Variants in CAMK1G observed in about 807,000 individuals in gnomAD.
CAMK1G encodes the protein calcium/calmodulin-dependent protein kinase type 1G.
A neutral mutation model predicts 54.8 loss-of-function variants in CAMK1G; 27 were observed. That is an observed-to-expected ratio of 0.49 (90% CI 0.36 to 0.68). The LOEUF (loss-of-function observed/expected upper bound fraction) is 0.68. CAMK1G is among the 30% of genes least tolerant of loss of function. CAMK1G has a pLI of 0.00. For synonymous variants in CAMK1G, 238 were observed against 224.9 expected (o/e 1.06, Z -0.52); for missense variants, 512 against 591.0 (o/e 0.87, Z 1.39).
At position 209,594,989 on chromosome 1, in the gene CAMK1G, T is replaced by A; in HGVS notation, c.6T>A (p.Gly2=). The A allele has an allele frequency of 6.2e-7, 1 of 1,613,330 alleles. No homozygotes were observed. The highest frequency in any genetic ancestry group is 1.1e-5 in the South Asian group (1 of 90,998). Residue 2 remains glycine, a synonymous_variant, in exon 2 of 13, where the codon GGT becomes GGA. Coordinates refer to ENST00000361322, the MANE Select transcript of CAMK1G (RefSeq NM_020439.3). M[G]RKEEDDCSSW... ...AAGCTTCAACTCTGGAGGCAATGGG[T>A]CGAAAGGAAGAAGATGACTGCAGTT...
intron 1 of CAMK1G, among the ~76,000 whole-genome samples, chr1:209,594,132 C>G (rs897239831): frequency 6.6e-6 from 1 of 152,198 alleles, no homozygotes; most frequent in Non-Finnish European, 1.5e-5. Context: ...GCTCAAGAGG[C>G]CTTCCCTGGA....
At chr1:209,608,303 T>C (rs1665700956) in intron 7 of CAMK1G, among the ~76,000 whole-genome samples, 1 of 152,186 alleles carries the variant, frequency 6.6e-6, no homozygotes, top group South Asian at 2.1e-4. Flanking sequence ...GGAAGCCAGG[T>C]GGACCCTCTG....
rs1665778450 is a variant in CAMK1G at position 209,611,450 on chromosome 1, C to T, written c.828-15C>T. ...TAGCCACCCAGTAGCCAGGTGTCCC[C>T]TCTTACATCCACAGGATTGACGGAA... On this transcript the variant is annotated splice_polypyrimidine_tract_variant and intron_variant, in intron 9 of 12. Transcript: ENST00000361322. 6.2e-7 allele frequency: 1 copy of T among 1,613,780 alleles called. No individual in the cohort carries two copies.
At chr1:209,595,810 G>T (rs1003135347) in intron 2 of CAMK1G, among the ~76,000 whole-genome samples, 2 of 152,144 alleles carry the variant, frequency 1.3e-5, no homozygotes, top group Non-Finnish European at 2.9e-5. Flanking sequence ...CAGCCTGCAG[G>T]GTGTCTGAAC....
At chr1:209,610,657 T>C (rs17014889) in intron 9 of CAMK1G, among the ~76,000 whole-genome samples, 4,849 of 152,284 alleles carry the variant, frequency 0.032, 295 homozygotes, top group East Asian at 0.27. Flanking sequence ...AGGATCCAGA[T>C]CAGTCTCTGC....
In CAMK1G at chr1:209,604,445, T is replaced by C. The variant is rs142287105; in HGVS notation, c.297-1091T>C. ...CAGGCCCCTCAGGGTTAAGAATTCA[T>C]AGCTCTGTACAAAGAGTGTATTTCC... On this transcript the variant is annotated intron_variant, in intron 4 of 12. Coordinates refer to ENST00000361322, the MANE Select transcript of CAMK1G (RefSeq NM_020439.3). Among the ~76,000 whole-genome samples the C allele has an allele frequency of 1.1e-3, 163 of 152,304 alleles. 1 individual carries two copies. The highest frequency in any genetic ancestry group is 3.4e-3 in the African/African-American group (142 of 41,578).
In CAMK1G at chr1:209,596,392, A is replaced by G. The variant is rs146885544; in HGVS notation, c.92+1317A>G. On this transcript the variant is annotated intron_variant, in intron 2 of 12. Transcript: ENST00000361322. Reference sequence around the variant, plus strand: ...GAGAAGGGAGCCCAGGTTGACAAGAATTTACCATCTGCTAGACTTGTGCTG... The same window carrying G: ...GAGAAGGGAGCCCAGGTTGACAAGAGTTTACCATCTGCTAGACTTGTGCTG... Among the ~76,000 whole-genome samples, 32 of 152,222 alleles carry G rather than the reference A, an allele frequency of 2.1e-4. No individual in the cohort carries two copies. The East Asian group carries it at 5.4e-3, about 26-fold the overall frequency.
At chr1:209,603,885 A>T (rs1665585131) in intron 4 of CAMK1G, among the ~76,000 whole-genome samples, 1 of 152,236 alleles carries the variant, frequency 6.6e-6, no homozygotes, top group Non-Finnish European at 1.5e-5. Flanking sequence ...TCTGTAGGAC[A>T]GAAGTGGTGC....
chr1:209,608,045 A>G (rs1665694022), intron 7 of CAMK1G, 112 bp downstream of exon 7: 5 of 756,314 alleles, frequency 6.6e-6, no homozygotes, highest in Non-Finnish European at 2.3e-6. Flanking sequence ...ATGTGCACAA[A>G]CAGACACAGG....
chr1:209,611,433 C>A (rs1470217949), intron 9 of CAMK1G, 32 bp from the exon 10 acceptor site: 2 of 1,608,174 alleles, frequency 1.2e-6, no homozygotes, highest in Admixed American at 1.7e-5. Flanking sequence ...AATAGCCACC[C>A]AGTAGCCAGG....
chr1:209,602,379 TA>T (rs1204077934), intron 3 of CAMK1G, among the ~76,000 whole-genome samples: 2 of 152,194 alleles, frequency 1.3e-5, no homozygotes, highest in Admixed American at 1.3e-4. Flanking sequence ...GAACTAACCC[TA>T]AAAATAAGCA....
chr1:209,607,013 G>C (rs1348962386), intron 6 of CAMK1G, among the ~76,000 whole-genome samples: 2 of 152,162 alleles, frequency 1.3e-5, no homozygotes, highest in African/African-American at 4.8e-5. Context: ...GAGCAGGCAG[G>C]GCACCTGGAA....
At chr1:209,592,363 A>T (rs969465858) in intron 1 of CAMK1G, among the ~76,000 whole-genome samples, 7 of 149,388 alleles carry the variant, frequency 4.7e-5, no homozygotes, top group African/African-American at 1.7e-4. Context: ...AAAAAAAAAA[A>T]ACTCCAGTAC....
At chr1:209,596,440 C>A (rs1457106973) in intron 2 of CAMK1G, among the ~76,000 whole-genome samples, 16 of 152,290 alleles carry the variant, frequency 1.1e-4, no homozygotes. Flanking sequence ...GACAGACACA[C>A]CTTCCCTCTT....
intron 2 of CAMK1G, among the ~76,000 whole-genome samples, chr1:209,599,763 G>A (rs935931080): frequency 6.6e-6 from 1 of 152,286 alleles, no homozygotes; most frequent in South Asian, 2.1e-4. Context: ...TCTCTCCCTA[G>A]CTTTTTTATG....
At position 209,613,359 on chromosome 1, in the gene CAMK1G, G is replaced by A. The variant is rs986273447; in HGVS notation, c.*357G>A. On this transcript the variant is annotated 3_prime_UTR_variant, in exon 13 of 13. Transcript: ENST00000361322. ...CTCGCCTGGGTCTGTGCTGTTTGTCGTGAAAAGCTTAATGGGCTGGCCAGG... is the reference window on the plus strand; with the variant it reads ...CTCGCCTGGGTCTGTGCTGTTTGTCATGAAAAGCTTAATGGGCTGGCCAGG... The A allele has an allele frequency of 3.2e-5, 5 of 157,278 alleles. No homozygotes were observed. Among genetic ancestry groups the A allele is most frequent in the Non-Finnish European group, 7.1e-5 (5 of 70,834 alleles). The allele number at this position is 157,278 out of a possible 1,614,324, so 9.7% of individuals were successfully genotyped here.
intron 1 of CAMK1G, among the ~76,000 whole-genome samples, chr1:209,585,789 C>G (rs542629385): frequency 6.6e-6 from 1 of 152,352 alleles, no homozygotes; most frequent in African/African-American, 2.4e-5. Flanking sequence ...CACACGAGTG[C>G]GCGCGAGTGG....
At chr1:209,594,005 T>C (rs567200221) in intron 1 of CAMK1G, among the ~76,000 whole-genome samples, 5 of 152,272 alleles carry the variant, frequency 3.3e-5, no homozygotes, top group African/African-American at 1.2e-4. Flanking sequence ...GAGCACACTA[T>C]GCTATTTCCT....
chr1:209,591,932 C>T (rs1665263873), intron 1 of CAMK1G, among the ~76,000 whole-genome samples: 1 of 152,182 alleles, frequency 6.6e-6, no homozygotes, highest in Non-Finnish European at 1.5e-5. Context: ...GCTCTACATC[C>T]CCTCATAGGG....
Sources: allele counts gnomAD v4.1 joint callset (sites outside exome capture counted in the v4.1 genomes callset), GRCh38; gene constraint gnomAD v4.1.1; transcripts MANE v1.5; gene names NCBI Gene and HGNC (gene_info 2026-07-23, HGNC 2026-07-21).